Variants in AKAP10 observed in about 807,000 individuals in gnomAD.
AKAP10 encodes the protein A-kinase anchoring protein 10, also known as A-kinase anchor protein 10, mitochondrial.
In AKAP10, 24 loss-of-function variants were observed where a neutral mutation model predicts 80.8. The ratio of observed to expected loss-of-function variants is 0.30; its 90% CI spans 0.22 to 0.42. The LOEUF (loss-of-function observed/expected upper bound fraction) is 0.42. AKAP10 is among the 10% of genes least tolerant of loss of function. The pLI is 1.00. For synonymous variants in AKAP10, 291 were observed against 277.7 expected (o/e 1.05, Z -0.48); for missense variants, 661 against 794.9 (o/e 0.83, Z 2.03).
intron 3 of AKAP10, among the ~76,000 whole-genome samples, chr17:19,959,514 T>C (rs2043323701): frequency 6.6e-6 from 1 of 152,226 alleles, no homozygotes; most frequent in African/African-American, 2.4e-5. Flanking sequence ...AAAGATGTTA[T>C]GAACTCAGCA....
At chr17:19,931,719 T>A (rs1325865895) in intron 10 of AKAP10, 86 bp downstream of exon 10, 5 of 1,437,258 alleles carry the variant, frequency 3.5e-6, no homozygotes, top group Non-Finnish European at 3.7e-6. Flanking sequence ...AACTTAAAAT[T>A]TACAAATAAT....
chr17:19,915,717 C>T (rs1476082664), intron 12 of AKAP10, among the ~76,000 whole-genome samples: 1 of 152,160 alleles, frequency 6.6e-6, no homozygotes, highest in Non-Finnish European at 1.5e-5. Context: ...CCTTCAAATA[C>T]AACCCGAACT....
chr17:19,923,897 G>A (rs203482), intron 11 of AKAP10, among the ~76,000 whole-genome samples: 60,520 of 151,970 alleles, frequency 0.4, 12,534 homozygotes, highest in African/African-American at 0.49. Flanking sequence ...GCTGGGAACT[G>A]GGGTACGGAT....
intron 5 of AKAP10, among the ~76,000 whole-genome samples, chr17:19,945,136 C>A (rs117756372): frequency 8.5e-5 from 13 of 152,284 alleles, no homozygotes; most frequent in Admixed American, 2.6e-4. Flanking sequence ...TTCTCAAATT[C>A]TTTGATCACA....
intron 4 of AKAP10, among the ~76,000 whole-genome samples, chr17:19,947,839 C>T (rs1032132066): frequency 1.3e-5 from 2 of 152,134 alleles, no homozygotes; most frequent in Non-Finnish European, 2.9e-5. Flanking sequence ...AAGACAGCCC[C>T]TATTGGAGCA....
chr17:19,946,250 TATATATATATATATATATATATATA>T (rs2043118228), intron 5 of AKAP10, among the ~76,000 whole-genome samples: 2 of 20,088 alleles, frequency 1.0e-4, no homozygotes, highest in Non-Finnish European at 1.8e-4. Context: ...TATATATATA[TATATATATATATATATATATATATA>T]TTTTTTTTTT....
chr17:19,939,684 T>C, intron 8 of AKAP10, 29 bp downstream of exon 8: 1 of 1,605,248 alleles, frequency 6.2e-7, no homozygotes, highest in Non-Finnish European at 8.5e-7. Context: ...AATAAGTATC[T>C]GCTGAATCCA....
chr17:19,951,089 G>A (rs552543889), intron 4 of AKAP10, among the ~76,000 whole-genome samples: 3 of 147,716 alleles, frequency 2.0e-5, no homozygotes, highest in East Asian at 2.1e-4. Flanking sequence ...CCCGGTCTGC[G>A]AAGTGAGGAG....
In AKAP10 at chr17:19,910,322, A is replaced by C. The variant is rs931361815; in HGVS notation, c.1835-344T>G. On this transcript the variant is annotated intron_variant, in intron 12 of 14. Coordinates refer to ENST00000225737, the MANE Select transcript of AKAP10 (RefSeq NM_007202.4). Reference sequence around the variant, plus strand: ...ACCTGGGCAACAGAGCGAGACTCCAACTCAAAAAAAAAAAAAAAAACCACT... The same window carrying C: ...ACCTGGGCAACAGAGCGAGACTCCACCTCAAAAAAAAAAAAAAAAACCACT... Among the ~76,000 whole-genome samples, 12 of 142,862 alleles carry C rather than the reference A, an allele frequency of 8.4e-5. No homozygotes were observed. The Admixed American group carries it at 8.4e-4, about 10-fold the overall frequency. 93.7% of individuals were successfully genotyped at this position (142,862 alleles called of 152,430 possible).
chr17:19,927,858 C>T (rs1049096172), intron 10 of AKAP10, among the ~76,000 whole-genome samples: 4 of 145,252 alleles, frequency 2.8e-5, no homozygotes, highest in Admixed American at 1.4e-4. Flanking sequence ...TGCAGTGAGC[C>T]AAGATTGTGC....
At chr17:19,966,000 A>T (rs1423167752) in intron 2 of AKAP10, among the ~76,000 whole-genome samples, 1 of 152,198 alleles carries the variant, frequency 6.6e-6, no homozygotes. Flanking sequence ...AGCCATTTCA[A>T]CAGGCAGGAT....
chr17:19,923,302 T>C (rs2042838520), intron 11 of AKAP10, among the ~76,000 whole-genome samples: 1 of 152,006 alleles, frequency 6.6e-6, no homozygotes, highest in African/African-American at 2.4e-5. Flanking sequence ...GGTCTCGAAC[T>C]CCTGAGATCA....
At chr17:19,970,334 T>G (rs1008067204) in intron 1 of AKAP10, among the ~76,000 whole-genome samples, 3 of 152,154 alleles carry the variant, frequency 2.0e-5, no homozygotes, top group Non-Finnish European at 4.4e-5. Context: ...GGTTCCACTT[T>G]TACCACCTAA....
chr17:19,944,450 G>C (rs1291051316), intron 5 of AKAP10, among the ~76,000 whole-genome samples: 1 of 152,006 alleles, frequency 6.6e-6, no homozygotes, highest in Non-Finnish European at 1.5e-5. Context: ...AGGAGATGGA[G>C]ACCATCCTGG....
At chr17:19,918,184 C>T (rs910086020) in intron 12 of AKAP10, among the ~76,000 whole-genome samples, 1 of 147,768 alleles carries the variant, frequency 6.8e-6, no homozygotes, top group Non-Finnish European at 1.5e-5. Flanking sequence ...CGCACCATTG[C>T]ACTCCAGCTC....
chr17:19,923,655 T>C (rs573172375), intron 11 of AKAP10, among the ~76,000 whole-genome samples: 4 of 152,136 alleles, frequency 2.6e-5, no homozygotes, highest in East Asian at 3.9e-4. Flanking sequence ...GCCTCCCAAG[T>C]AGCTGGGACT....
Position 19,941,010 on chromosome 17 carries a change from C to A in AKAP10, c.1062G>T (p.Glu354Asp). The change falls in exon 7 of 15, where the codon GAG becomes GAT. Residue 354 changes from glutamate (E) to aspartate (D), a missense_variant and splice_region_variant. Physicochemically the swap from Glu to Asp is conservative, Grantham distance 45. Coordinates refer to ENST00000225737, the MANE Select transcript of AKAP10 (RefSeq NM_007202.4). ...QSIVFSAMEQ[E>D]HFSEFLRSHH... ...GACTTCGCAGAAACTCACTAAAGTG[C>A]CTGCACATGGACAAAAGGGAAAATT... 1 of 1,593,290 alleles carries A rather than the reference C, an allele frequency of 6.3e-7. No individual in the cohort carries two copies. Among genetic ancestry groups the A allele is most frequent in the Non-Finnish European group, 8.5e-7 (1 of 1,174,636 alleles).
chr17:19,926,276 T>A (rs866646130), intron 10 of AKAP10, among the ~76,000 whole-genome samples: 84 of 132,664 alleles, frequency 6.3e-4, no homozygotes, highest in South Asian at 2.2e-3. Flanking sequence ...TTTCATGATT[T>A]AAAAAAAAAA....
chr17:19,947,065 C>A (rs889130306), intron 5 of AKAP10: 4 of 232,862 alleles, frequency 1.7e-5, no homozygotes, highest in African/African-American at 9.3e-5. Context: ...AGTTTCTGTC[C>A]CGCCCACTTC....
Sources: gnomAD v4.1 joint callset for allele counts (sites outside exome capture counted in the v4.1 genomes callset) on GRCh38, gnomAD v4.1.1 for gene constraint, MANE v1.5 for transcripts, NCBI Gene and HGNC (gene_info 2026-07-23, HGNC 2026-07-21) for gene names.